Variants in TGFBRAP1 observed in about 807,000 individuals in gnomAD.
The protein encoded by TGFBRAP1 is transforming growth factor beta receptor associated protein 1.
In TGFBRAP1, 20 loss-of-function variants were observed where a neutral mutation model predicts 83.2. The observed-to-expected ratio is 0.24, with a 90% CI of 0.17 to 0.35. The LOEUF is 0.35. Ranked by LOEUF, TGFBRAP1 falls within the 10% of genes least tolerant of loss-of-function variation. TGFBRAP1 has a pLI of 1.00. For missense variants in TGFBRAP1, 950 were observed against 1,099.4 expected (o/e 0.86, Z 1.92); for synonymous variants, 415 against 459.8 (o/e 0.90, Z 1.25).
chr2:105,297,564 T>C (rs1678129041), intron 3 of TGFBRAP1, among the ~76,000 whole-genome samples: 1 of 152,226 alleles, frequency 6.6e-6, no homozygotes, highest in Non-Finnish European at 1.5e-5. Flanking sequence ...AGGGTAATGT[T>C]TGGTGAACAA....
chr2:105,307,658 C>T lies in TGFBRAP1; in HGVS notation c.644G>A (p.Arg215Lys). ...CAGCAGGAACTCCTGTCTCCCTATC[C>T]TCTTGACGATCGGCGGCCTCTCCTC... is the stretch of plus-strand genomic sequence containing the variant. ...CSEERPPIVK[R>K]IGRQEFLLAG... is the part of the protein sequence containing the mutation. Residue 215 changes from arginine to lysine, a missense_variant, in exon 2 of 12, where the codon AGG (arginine) becomes AAG (lysine). Coordinates refer to ENST00000393359, the MANE Select transcript of TGFBRAP1 (RefSeq NM_004257.6). 1.9e-6 allele frequency: 3 copies of T among 1,614,070 alleles called. No individual in the cohort carries two copies. The highest frequency in any genetic ancestry group is 2.5e-6 in the Non-Finnish European group (3 of 1,179,998).
At chr2:105,295,674 G>A (rs1678061168) in intron 4 of TGFBRAP1, among the ~76,000 whole-genome samples, 2 of 152,070 alleles carry the variant, frequency 1.3e-5, no homozygotes, top group African/African-American at 2.4e-5. Flanking sequence ...TGCTGGGTGT[G>A]GTGGCGGGCG....
At position 105,312,837 on chromosome 2, in the gene TGFBRAP1, C is replaced by T. The variant is rs901534130; in HGVS notation, c.-17-4519G>A. Among the ~76,000 whole-genome samples, 12 of 152,058 alleles carry T rather than the reference C, an allele frequency of 7.9e-5. No individual in the cohort carries two copies. In the South Asian group the frequency reaches 2.1e-3, roughly 26 times the overall value. ...AAAGAACTGATGACTTTTGGCCGGG[C>T]ATGGTGGCTTACACCTGTAATCCCA... On this transcript the variant is annotated intron_variant, in intron 1 of 11. Transcript: ENST00000393359.
chr2:105,281,642 T>C (rs992846445), intron 5 of TGFBRAP1, among the ~76,000 whole-genome samples: 6 of 152,172 alleles, frequency 3.9e-5, no homozygotes, highest in African/African-American at 1.4e-4. Flanking sequence ...TAGTATGGCA[T>C]TCAAGGCCCT....
the TGFBRAP1 span, among the ~76,000 whole-genome samples, chr2:105,257,305 C>T: frequency 6.6e-6 from 1 of 152,074 alleles, no homozygotes; most frequent in Non-Finnish European, 1.5e-5. Context: ...TAAGTTTATC[C>T]TTCTGACAGA....
chr2:105,260,675 A>G (rs558065357), downstream of TGFBRAP1, among the ~76,000 whole-genome samples: 2 of 152,300 alleles, frequency 1.3e-5, no homozygotes, highest in South Asian at 4.1e-4. Context: ...CATGGTGATG[A>G]TGATTGCATA....
At position 105,273,513 on chromosome 2, in the gene TGFBRAP1, C is replaced by T. The variant is rs7590709; in HGVS notation, c.1812+31G>A. 2.2e-3 allele frequency: 3,530 copies of T among 1,611,528 alleles called. 72 individuals are homozygous for T. The African/African-American group carries it at 0.043, about 19-fold the overall frequency. On this transcript the variant is annotated intron_variant, in intron 9 of 11. Transcript: ENST00000393359. ...AGTTCAATTCCGTCTCTCCAGCCCA[C>T]ACTCTTTAGTCTAACTTCTGCAGTG...
intron 1 of TGFBRAP1, among the ~76,000 whole-genome samples, chr2:105,316,813 CA>C (rs5833133): frequency 0.02 from 1,784 of 87,746 alleles, 38 homozygotes; most frequent in African/African-American, 0.069. Context: ...GACTCTGTCT[CA>C]AAAAAAAAAA....
chr2:105,261,093 C>T (rs1676777644), downstream of TGFBRAP1, among the ~76,000 whole-genome samples: 1 of 152,172 alleles, frequency 6.6e-6, no homozygotes, highest in Non-Finnish European at 1.5e-5. Context: ...TGTAAGTCAG[C>T]AACATATTAA....
rs1456448783 is a variant in TGFBRAP1, at chr2:105,298,368, C to G, written c.883+143G>C. 6.3e-6 allele frequency: 5 copies of G among 787,794 alleles called. No homozygotes were observed. The African/African-American group carries it at 8.9e-5, about 14-fold the overall frequency. 48.8% of individuals were successfully genotyped at this position (787,794 alleles called of 1,614,324 possible). A position where few individuals can be genotyped will look rare whatever the true frequency, so the allele number is the denominator to read the frequency against. ...GTCTGTCTCCCCACTAACTGTGCAGCCCCTGAAGCACAGAGACTGTATTGG... is the reference window on the plus strand; with the variant it reads ...GTCTGTCTCCCCACTAACTGTGCAGGCCCTGAAGCACAGAGACTGTATTGG... On this transcript the variant is annotated intron_variant, in intron 3 of 11. Transcript: ENST00000393359.
chr2:105,261,960 G>A (rs1265496190), downstream of TGFBRAP1, among the ~76,000 whole-genome samples: 5 of 152,106 alleles, frequency 3.3e-5, no homozygotes, highest in African/African-American at 1.2e-4. Context: ...ACCTGTGGGG[G>A]CACATCTGTG....
At chr2:105,328,186 G>A (rs1039911657) in intron 1 of TGFBRAP1, among the ~76,000 whole-genome samples, 1 of 152,068 alleles carries the variant, frequency 6.6e-6, no homozygotes, top group Non-Finnish European at 1.5e-5. Context: ...CCAGCAAATT[G>A]CCCAAAGGTC....
chr2:105,329,573 C>CGCCCCGCGCCCTGA (rs1679312270), intron 1 of TGFBRAP1, 52 bp downstream of exon 1: 2 of 148,536 alleles, frequency 1.3e-5, no homozygotes, highest in Non-Finnish European at 3.0e-5. Context: ...CTGCCCCACG[C>CGCCCCGCGCCCTGA]GCCCCGCGCC....
chr2:105,311,479 G>A (rs1678691593), intron 1 of TGFBRAP1, among the ~76,000 whole-genome samples: 1 of 152,170 alleles, frequency 6.6e-6, no homozygotes, highest in African/African-American at 2.4e-5. Flanking sequence ...CTCCTCCTCA[G>A]GAGGCTGAGG....
At chr2:105,278,068 A>ATATG (rs1270323630) in intron 6 of TGFBRAP1, among the ~76,000 whole-genome samples, 3 of 145,422 alleles carry the variant, frequency 2.1e-5, no homozygotes, top group African/African-American at 7.7e-5. Context: ...CAAAAAATAT[A>ATATG]TGTGTGTGTG....
At chr2:105,257,837 T>C in the TGFBRAP1 span, among the ~76,000 whole-genome samples, 1 of 152,196 alleles carries the variant, frequency 6.6e-6, no homozygotes, top group South Asian at 2.1e-4. Flanking sequence ...TCCTGAATGG[T>C]CTAAGGTGGG....
chr2:105,252,987 C>A, the TGFBRAP1 span, among the ~76,000 whole-genome samples: 1 of 152,106 alleles, frequency 6.6e-6, no homozygotes, highest in Non-Finnish European at 1.5e-5. Flanking sequence ...ATCTCCTGAC[C>A]TCGTGATCTG....
chr2:105,313,519 G>A (rs1678757566), intron 1 of TGFBRAP1, among the ~76,000 whole-genome samples: 1 of 152,074 alleles, frequency 6.6e-6, no homozygotes, highest in African/African-American at 2.4e-5. Context: ...CATAATAAAT[G>A]TTTCTAAGGA....
chr2:105,278,901 A>G (rs529193049), intron 6 of TGFBRAP1, among the ~76,000 whole-genome samples: 21 of 152,136 alleles, frequency 1.4e-4, no homozygotes, highest in Admixed American at 2.6e-4. Context: ...CTGATTCCAT[A>G]GCATATCCGA....
Sources: gnomAD v4.1 joint callset for allele counts (sites outside exome capture counted in the v4.1 genomes callset) on GRCh38, gnomAD v4.1.1 for gene constraint, MANE v1.5 for transcripts, NCBI Gene and HGNC (gene_info 2026-07-23, HGNC 2026-07-21) for gene names.